The following WDFY3 variants were observed in gnomAD, a reference collection of about 807,000 sequenced individuals.
WDFY3 encodes WD repeat and FYVE domain-containing protein 3.
WDFY3 carries 66 observed loss-of-function variants against 409.6 expected under a neutral mutation model. The ratio of observed to expected loss-of-function variants is 0.16; its 90% CI spans 0.13 to 0.20. WDFY3 has a LOEUF of 0.20. Among genes scored for constraint, WDFY3 ranks in the 10% least tolerant of loss-of-function variants. WDFY3 has a pLI of 1.00. For synonymous variants in WDFY3, 1,521 were observed against 1,537.1 expected (o/e 0.99, Z 0.25); for missense variants, 3,031 against 4,298.1 (o/e 0.71, Z 8.24).
At chr4:84,805,479 T>C (rs1334234987) in intron 15 of WDFY3, among the ~76,000 whole-genome samples, 1 of 152,174 alleles carries the variant, frequency 6.6e-6, no homozygotes, top group Non-Finnish European at 1.5e-5. Flanking sequence ...ACAAAATTAA[T>C]TCTGATTAAA....
intron 2 of WDFY3, among the ~76,000 whole-genome samples, chr4:84,921,646 A>ATTTTTTTTTTT (rs747576197): frequency 5.1e-5 from 4 of 78,666 alleles, no homozygotes; most frequent in African/African-American, 5.7e-5. Flanking sequence ...TATTGCTTTC[A>ATTTTTTTTTTT]TTTTTTTTTT....
At chr4:84,702,887 G>C (rs1185277257) in intron 55 of WDFY3, among the ~76,000 whole-genome samples, 1 of 152,136 alleles carries the variant, frequency 6.6e-6, no homozygotes, top group South Asian at 2.1e-4. Context: ...ACGAGGTCAG[G>C]AGATCGAGAC....
In WDFY3 at chr4:84,757,129, A is replaced by G; in HGVS notation, c.5221T>C (p.Ser1741Pro). 6.2e-7 allele frequency: 1 copy of G among 1,614,052 alleles called. No individual in the cohort carries two copies. Among genetic ancestry groups the G allele is most frequent in the South Asian group, 1.1e-5 (1 of 91,088 alleles). The change falls in exon 33 of 68, where the codon TCG becomes CCG. Residue 1741 changes from serine to proline, a missense_variant. Physicochemically the swap from Ser to Pro is moderately conservative, Grantham distance 74 (BLOSUM62 -1). Around this residue, in one of 16 missense-constraint regions of WDFY3, gnomAD observed 342 missense variants for 463.7 expected, o/e 0.74. Transcript: ENST00000295888. The stretch of plus-strand genomic sequence containing the variant: ...TCTCGGTTAATCTCCCTGACCGTCG[A>G]TCTCCCACCAGCACTTCTGCCCACG... ...FNVGRSAGGR[S>P]TVREINRDAC...
chr4:84,814,841 A>T (rs550118738), intron 13 of WDFY3, among the ~76,000 whole-genome samples: 40 of 152,292 alleles, frequency 2.6e-4, no homozygotes, highest in African/African-American at 9.6e-4. Flanking sequence ...AACATAGTAT[A>T]TATAGCATTC....
At chr4:84,808,642 T>C (rs1199514730) in intron 14 of WDFY3, among the ~76,000 whole-genome samples, 1 of 152,214 alleles carries the variant, frequency 6.6e-6, no homozygotes. Flanking sequence ...TTAACACATC[T>C]GTTAAACAGG....
At chr4:84,829,608 T>C (rs1052474374) in intron 8 of WDFY3, among the ~76,000 whole-genome samples, 7 of 151,840 alleles carry the variant, frequency 4.6e-5, no homozygotes, top group Non-Finnish European at 5.9e-5. Flanking sequence ...AGAGAGAATA[T>C]ATAGCCTGGC....
Position 84,780,230 on chromosome 4 carries a change from G to A in WDFY3, c.4243C>T (p.Leu1415=), listed in dbSNP as rs773121175. ...LQYVGGAAAI[L]GLVAMASDVE... ...TCAGAGGCCATGGCCACCAGGCCCA[G>A]GATGGCTGCAGCTCCACCAACGTAC... The change falls in exon 26 of 68, where the codon CTG becomes TTG. Residue 1415 remains leucine, a synonymous_variant. Coordinates refer to ENST00000295888, the MANE Select transcript of WDFY3 (RefSeq NM_014991.6). 6.2e-7 allele frequency: 1 copy of A among 1,614,100 alleles called. No homozygotes were observed. Among genetic ancestry groups the A allele is most frequent in the South Asian group, 1.1e-5 (1 of 91,046 alleles).
intron 1 of WDFY3, among the ~76,000 whole-genome samples, chr4:84,948,836 G>C (rs183973294): frequency 6.6e-6 from 1 of 152,242 alleles, no homozygotes; most frequent in East Asian, 1.9e-4. Flanking sequence ...AGGACTGATA[G>C]CTAGAGTCCA....
chr4:84,756,838 A>T lies in WDFY3; in HGVS notation c.5424+88T>A, dbSNP rs922991651. 3.1e-6 allele frequency: 4 copies of T among 1,309,942 alleles called. No individual in the cohort carries two copies. In the African/African-American group the frequency reaches 4.4e-5, roughly 14 times the overall value. The allele number at this position is 1,309,942 out of a possible 1,614,324, so 81.1% of individuals were successfully genotyped here. Reference sequence around the variant, plus strand: ...AAATGTGGGGAAAGTGATGGAATTGACAGTTGGTTTTACAGTGATTATCCA... The same window carrying T: ...AAATGTGGGGAAAGTGATGGAATTGTCAGTTGGTTTTACAGTGATTATCCA... On this transcript the variant is annotated intron_variant, in intron 33 of 67. Coordinates refer to ENST00000295888, the MANE Select transcript of WDFY3 (RefSeq NM_014991.6).
Position 84,709,246 on chromosome 4 carries a change from C to G in WDFY3, c.8097+47G>C, listed in dbSNP as rs1269819963. The G allele has an allele frequency of 3.9e-6, 6 of 1,549,022 alleles. No individual in the cohort carries two copies. The East Asian group carries it at 1.3e-4, about 35-fold the overall frequency. On this transcript the variant is annotated intron_variant, in intron 52 of 67. Transcript: ENST00000295888. The stretch of plus-strand genomic sequence containing the variant: ...AGTGCTTTTAACTGTATGACTTCTA[C>G]TCTAATTACGAACTTCTAAGGAAGC...
intron 1 of WDFY3, among the ~76,000 whole-genome samples, chr4:84,945,628 T>C (rs1772722401): frequency 6.6e-6 from 1 of 152,166 alleles, no homozygotes; most frequent in Non-Finnish European, 1.5e-5. Context: ...TGAAACCTTC[T>C]GATATTGGGG....
At chr4:84,679,524 GCA>G (rs1726963143) in intron 64 of WDFY3, among the ~76,000 whole-genome samples, 1 of 152,002 alleles carries the variant, frequency 6.6e-6, no homozygotes, top group South Asian at 2.1e-4. Context: ...TGCCTTTGCC[GCA>G]CACTCCCTGC....
intron 2 of WDFY3, among the ~76,000 whole-genome samples, chr4:84,914,143 CG>C (rs1768147586): frequency 6.6e-6 from 1 of 152,004 alleles, no homozygotes; most frequent in Admixed American, 6.6e-5. Context: ...TTATTAGGGC[CG>C]GGTGTGGTGG....
chr4:84,857,986 A>C (rs897676632), intron 4 of WDFY3, among the ~76,000 whole-genome samples: 1 of 152,168 alleles, frequency 6.6e-6, no homozygotes, highest in African/African-American at 2.4e-5. Flanking sequence ...GTTTAGTATA[A>C]ATTTATCATC....
At chr4:84,761,916 T>C (rs1233107677) in intron 32 of WDFY3, among the ~76,000 whole-genome samples, 5 of 152,092 alleles carry the variant, frequency 3.3e-5, no homozygotes, top group East Asian at 1.9e-4. Flanking sequence ...CAATGAGATA[T>C]CATCTCACAC....
At position 84,821,172 on chromosome 4, in the gene WDFY3, C is replaced by T; in HGVS notation, c.1503G>A (p.Arg501=). 1.2e-6 allele frequency: 2 copies of T among 1,613,722 alleles called. No homozygotes were observed. The highest frequency in any genetic ancestry group is 1.1e-5 in the South Asian group (1 of 91,080). Residue 501 remains arginine (R), a synonymous_variant, in exon 11 of 68, where the codon AGG becomes AGA. Transcript: ENST00000295888. The part of the protein sequence containing the change: ...RHDYIFKDVF[R]EVGLLEVMVN... Reference sequence around the variant, plus strand: ...CCATGACCTCCAAAAGGCCAACCTCCCTGAACACGTCTTTAAATATGTAGT... The same window carrying T: ...CCATGACCTCCAAAAGGCCAACCTCTCTGAACACGTCTTTAAATATGTAGT...
intron 34 of WDFY3, 147 bp downstream of exon 34, chr4:84,755,119 T>C: frequency 1.7e-6 from 2 of 1,151,426 alleles, no homozygotes; most frequent in Non-Finnish European, 2.4e-6. Flanking sequence ...TTACGTTAGA[T>C]ATAATTTTGT....
intron 67 of WDFY3, among the ~76,000 whole-genome samples, chr4:84,673,414 A>G (rs567938194): frequency 7.0e-4 from 107 of 152,284 alleles, no homozygotes; most frequent in Admixed American, 2.0e-3. Context: ...AGCGGAAATT[A>G]GAAGACTCAC....
In WDFY3 at chr4:84,941,970, A is replaced by AAAAT. The variant is rs767767177; in HGVS notation, c.-225-9611_-225-9608dup. 5.9e-5 allele frequency among the ~76,000 whole-genome samples: 9 copies of AAAAT among 152,072 alleles called. No individual in the cohort carries two copies. The East Asian group carries it at 7.7e-4, about 13-fold the overall frequency. ...ACAGTAATCAGATATCCACAACCCAAAAATAAATAAATAAATAAATAAAAC... is the reference window on the plus strand; with the variant it reads ...ACAGTAATCAGATATCCACAACCCAAAAATAAATAAATAAATAAATAAATAAAAC... On this transcript the variant is annotated intron_variant, in intron 1 of 67. Coordinates refer to ENST00000295888, the MANE Select transcript of WDFY3 (RefSeq NM_014991.6).
Sources: allele counts gnomAD v4.1 joint callset (sites outside exome capture counted in the v4.1 genomes callset), GRCh38; gene constraint gnomAD v4.1.1; regional missense constraint gnomAD v4.1.1; transcripts MANE v1.5; gene names NCBI Gene and HGNC (gene_info 2026-07-23, HGNC 2026-07-21).